Variants in PARD3B observed in about 807,000 individuals in gnomAD.
PARD3B encodes the protein partitioning defective 3 homolog B.
Under a neutral mutation model 130.2 loss-of-function variants are expected in PARD3B, and 103 were observed. The ratio of observed to expected loss-of-function variants is 0.79; its 90% confidence interval spans 0.67 to 0.93. PARD3B has a LOEUF of 0.93. Ranked by LOEUF, PARD3B falls within the 40% of genes least tolerant of loss-of-function variation. The pLI is 0.00. For synonymous variants in PARD3B, 583 were observed against 553.2 expected, an observed-to-expected ratio of 1.05 and a Z score of -0.76; for missense variants, 1,609 against 1,499.2, an observed-to-expected ratio of 1.07 and a Z score of -1.21.
intron 16 of PARD3B, among the ~76,000 whole-genome samples, chr2:205,248,367 A>G (rs2125923820): frequency 7.3e-6 from 1 of 137,930 alleles, no homozygotes; most frequent in South Asian, 2.2e-4. Flanking sequence ...GTGAAGGGAT[A>G]TCTCATTGGG....
In PARD3B at chr2:205,616,791, G is replaced by A. The variant is rs1361806945; in HGVS notation, c.*978G>A. The A allele has an allele frequency of 3.3e-5, 5 of 152,512 alleles. No homozygotes were observed. The highest frequency in any genetic ancestry group is 7.3e-5 in the Non-Finnish European group (5 of 68,246). 9.4% of individuals were successfully genotyped at this position (152,512 alleles called of 1,614,324 possible). A position where few individuals can be genotyped will look rare whatever the true frequency, so the allele number is the denominator to read the frequency against. On this transcript the variant is annotated 3_prime_UTR_variant, in exon 23 of 23. Transcript: ENST00000406610. ...GAGGCAGTGCCCTGGGAAATGCCAA[G>A]TCCAGACTCAGTGCCAAGCAGTAAC...
chr2:205,102,901 A>G (rs1334260809), intron 4 of PARD3B, among the ~76,000 whole-genome samples: 2 of 151,838 alleles, frequency 1.3e-5, no homozygotes, highest in East Asian at 3.9e-4. Context: ...CATCTCTACT[A>G]AAAATACAAA....
intron 3 of PARD3B, among the ~76,000 whole-genome samples, chr2:204,978,330 T>C (rs1692365681): frequency 6.6e-6 from 1 of 152,252 alleles, no homozygotes; most frequent in Non-Finnish European, 1.5e-5. Flanking sequence ...TAATGTCTAT[T>C]AGGCATGGAG....
intron 18 of PARD3B, among the ~76,000 whole-genome samples, chr2:205,391,044 C>G (rs572319594): frequency 1.3e-4 from 20 of 152,336 alleles, no homozygotes; most frequent in African/African-American, 3.1e-4. Flanking sequence ...GGGACCATTT[C>G]CTTCTGCAGG....
At chr2:205,426,921 G>A (rs545496134) in intron 19 of PARD3B, among the ~76,000 whole-genome samples, 2 of 152,182 alleles carry the variant, frequency 1.3e-5, no homozygotes, top group South Asian at 4.2e-4. Flanking sequence ...GAAAAATCAA[G>A]GGGGAAAATG....
chr2:205,389,567 T>C (rs2045779062), intron 18 of PARD3B, among the ~76,000 whole-genome samples: 1 of 152,122 alleles, frequency 6.6e-6, no homozygotes, highest in African/African-American at 2.4e-5. Context: ...TTCACCATGT[T>C]GGCCAGGCTG....
intron 22 of PARD3B, among the ~76,000 whole-genome samples, chr2:205,579,285 GA>G (rs2053876446): frequency 6.6e-6 from 1 of 152,258 alleles, no homozygotes; most frequent in African/African-American, 2.4e-5. Context: ...ATTTAAGGAA[GA>G]AAAAAGGCTA....
Position 205,121,526 on chromosome 2 carries a change from G to A in PARD3B, c.807-65G>A. ...GCTGCTCTTGGTTGCCATCCTCCTG[G>A]GGTACTTTAGAAGATGCTGCACCTC... On this transcript the variant is annotated intron_variant, in intron 7 of 22. Coordinates refer to ENST00000406610, the MANE Select transcript of PARD3B (RefSeq NM_001302769.2). The surrounding 1 kb of genome is among the most constrained non-coding windows in gnomAD (Gnocchi z 5.0). 7.1e-7 allele frequency: 1 copy of A among 1,403,236 alleles called. No individual in the cohort carries two copies. Among genetic ancestry groups the A allele is most frequent in the Non-Finnish European group, 9.9e-7 (1 of 1,007,868 alleles). 86.9% of individuals were successfully genotyped at this position (1,403,236 alleles called of 1,614,324 possible). A position where few individuals can be genotyped will look rare whatever the true frequency, so the allele number is the denominator to read the frequency against.
intron 5 of PARD3B, among the ~76,000 whole-genome samples, chr2:205,107,067 G>A (rs982605520): frequency 6.6e-6 from 1 of 152,152 alleles, no homozygotes; most frequent in African/African-American, 2.4e-5. Context: ...ACGCATCCAC[G>A]TAGAAGCTAA....
intron 18 of PARD3B, among the ~76,000 whole-genome samples, chr2:205,359,231 A>G (rs1177452215): frequency 1.3e-5 from 2 of 152,184 alleles, no homozygotes; most frequent in African/African-American, 4.8e-5. Context: ...GAAAGATTAA[A>G]TTGTCAGCAA....
At chr2:205,493,527 A>G (rs943387773) in intron 20 of PARD3B, among the ~76,000 whole-genome samples, 2 of 152,116 alleles carry the variant, frequency 1.3e-5, no homozygotes, top group Non-Finnish European at 2.9e-5. Context: ...AACATTTTAT[A>G]GTAACTTCAT....
Position 205,297,358 on chromosome 2 carries a change from G to A in PARD3B, c.2186-3172G>A, listed in dbSNP as rs1287866802. Among the ~76,000 whole-genome samples the A allele has an allele frequency of 2.6e-5, 4 of 152,222 alleles. No homozygotes were observed. The South Asian group carries it at 6.2e-4, about 24-fold the overall frequency. ...TTTTAAAAGCTGTAAAATTTTCTACGCACCATCAACCTAAACTGAAATTGG... is the reference window on the plus strand; with the variant it reads ...TTTTAAAAGCTGTAAAATTTTCTACACACCATCAACCTAAACTGAAATTGG... On this transcript the variant is annotated intron_variant, in intron 16 of 22. Transcript: ENST00000406610.
intron 4 of PARD3B, among the ~76,000 whole-genome samples, chr2:205,054,438 T>A (rs2021543): frequency 0.04 from 1,545 of 38,182 alleles, 25 homozygotes; most frequent in Non-Finnish European, 0.054. Flanking sequence ...ATATATATAT[T>A]TTTTTTTTTT....
intron 18 of PARD3B, among the ~76,000 whole-genome samples, chr2:205,306,027 C>A (rs556738964): frequency 1.3e-5 from 2 of 152,188 alleles, no homozygotes; most frequent in East Asian, 3.9e-4. Context: ...CCCCAATATA[C>A]CCAATGTAAT....
chr2:204,723,928 T>C (rs999568711), intron 2 of PARD3B, among the ~76,000 whole-genome samples: 5 of 152,182 alleles, frequency 3.3e-5, no homozygotes, highest in Non-Finnish European at 5.9e-5. Flanking sequence ...TTTTTTTTCC[T>C]ATGCAAGTAA....
chr2:204,680,257 G>C (rs997256011), intron 1 of PARD3B, among the ~76,000 whole-genome samples: 9 of 151,818 alleles, frequency 5.9e-5, no homozygotes, highest in African/African-American at 2.2e-4. Flanking sequence ...TTTAATTCTT[G>C]TTGTTTTTGT....
intron 2 of PARD3B, among the ~76,000 whole-genome samples, chr2:204,897,424 AG>A (rs2046680524): frequency 1.4e-5 from 2 of 140,802 alleles, no homozygotes; most frequent in South Asian, 4.4e-4. Flanking sequence ...GGGATTGGAA[AG>A]GTTTACTGAA....
intron 2 of PARD3B, among the ~76,000 whole-genome samples, chr2:204,748,616 C>G (rs2040340710): frequency 6.6e-6 from 1 of 152,060 alleles, no homozygotes; most frequent in Admixed American, 6.6e-5. Flanking sequence ...TACTCAAAAG[C>G]TTATTAAAAC....
At chr2:204,665,235 A>G (rs2035972916) in intron 1 of PARD3B, among the ~76,000 whole-genome samples, 1 of 152,028 alleles carries the variant, frequency 6.6e-6, no homozygotes, top group African/African-American at 2.4e-5. Flanking sequence ...AGGTGTTGAG[A>G]TAGCCTCAAA....
Sources: allele counts gnomAD v4.1 joint callset (sites outside exome capture counted in the v4.1 genomes callset), GRCh38; gene constraint gnomAD v4.1.1; non-coding constraint Gnocchi (gnomAD v3.1); transcripts MANE v1.5; gene names NCBI Gene and HGNC (gene_info 2026-07-23, HGNC 2026-07-21).